FBN2: variants seen among roughly 807,000 people sequenced by gnomAD.
FBN2 encodes the protein fibrillin 2, also known as fibrillin-2.
In FBN2, 105 loss-of-function variants were observed where a neutral mutation model predicts 355.6. The observed-to-expected ratio is 0.30, with a 90% CI of 0.25 to 0.35. The LOEUF (loss-of-function observed/expected upper bound fraction) is 0.35, where lower values mean the gene tolerates loss of function less well. Ranked by LOEUF, FBN2 falls within the 10% of genes least tolerant of loss-of-function variation. FBN2 has a pLI of 1.00. For synonymous variants in FBN2, 1,350 were observed against 1,301.2 expected, an observed-to-expected ratio of 1.04 and a Z score of -0.81; for missense variants, 3,280 against 3,758.7, an observed-to-expected ratio of 0.87 and a Z score of 3.33.
intron 23 of FBN2, among the ~76,000 whole-genome samples, chr5:128,345,917 G>C (rs1055757053): frequency 1.3e-5 from 2 of 152,220 alleles, no homozygotes; most frequent in African/African-American, 4.8e-5. Context: ...TTCCTGTTCA[G>C]AGAATTGCTT....
intron 63 of FBN2, among the ~76,000 whole-genome samples, 171 bp from the exon 64 acceptor site, chr5:128,262,078 G>T (rs1016878824): frequency 5.3e-5 from 8 of 152,236 alleles, no homozygotes; most frequent in African/African-American, 1.7e-4. Context: ...TAGAGACAGG[G>T]TCTTGCTCTG....
chr5:128,503,546 G>T (rs539445654), intron 5 of FBN2, among the ~76,000 whole-genome samples: 1 of 152,168 alleles, frequency 6.6e-6, no homozygotes, highest in Non-Finnish European at 1.5e-5. Context: ...TGAGGAACTT[G>T]TTGGGAACTG....
At chr5:128,311,213 A>G (rs1335461453) in intron 39 of FBN2, 87 bp downstream of exon 39, 2 of 1,417,184 alleles carry the variant, frequency 1.4e-6, no homozygotes, top group East Asian at 2.3e-5. Flanking sequence ...CCTTTTGTAG[A>G]ATGTGAGGAT....
chr5:128,335,343 C>G (rs376592544), intron 29 of FBN2, 48 bp from the exon 30 acceptor site: 3 of 1,613,594 alleles, frequency 1.9e-6, no homozygotes, highest in Non-Finnish European at 2.5e-6. Flanking sequence ...TGTCGTTCAT[C>G]AATCTCAAAT....
chr5:128,312,789 C>T lies in FBN2; in HGVS notation c.4724G>A (p.Arg1575His), dbSNP rs776040052. 34 of 1,613,496 alleles carry T rather than the reference C, an allele frequency of 2.1e-5. No individual in the cohort carries two copies. Among genetic ancestry groups the T allele is most frequent in the Admixed American group, 1.5e-4 (9 of 59,976 alleles). ...AAACTTCAGGTAGCAGTTGCCCACA[C>T]GGTTGTCTGCAGAGCAACAAAGGAG... ...NPTGVGCVDN[R>H]VGNCYLKFGP... Residue 1575 changes from arginine (R) to histidine (H), a missense_variant, in exon 37 of 65, where the codon CGT becomes CAT. Physicochemically the swap from Arg to His is conservative, Grantham distance 29. This residue lies in a region of FBN2 where 2,284 missense variants were observed against 2,749.5 expected (regional missense o/e 0.83). Transcript: ENST00000262464.
intron 7 of FBN2, among the ~76,000 whole-genome samples, chr5:128,432,102 T>C (rs180902742): frequency 1.4e-4 from 22 of 152,314 alleles, no homozygotes; most frequent in South Asian, 1.0e-3. Flanking sequence ...TGAAATACCC[T>C]GAATCATTTA....
Position 128,261,719 on chromosome 5 carries a change from G to C in FBN2, c.8364+17C>G. ...AGGGATAAAATTTTGTGGCAACACA[G>C]AGTGGGATATACTCACAGCAGTGGG... On this transcript the variant is annotated intron_variant, in intron 64 of 64. Transcript: ENST00000262464. 1.2e-6 allele frequency: 2 copies of C among 1,613,502 alleles called. No homozygotes were observed. Among genetic ancestry groups the C allele is most frequent in the Non-Finnish European group, 1.7e-6 (2 of 1,179,430 alleles).
chr5:128,466,546 A>G (rs1318887010), intron 5 of FBN2, among the ~76,000 whole-genome samples: 1 of 152,234 alleles, frequency 6.6e-6, no homozygotes, highest in Non-Finnish European at 1.5e-5. Context: ...GTACAACAAC[A>G]AAAACCTTAA....
chr5:128,345,372 G>T lies in FBN2; in HGVS notation c.3202C>A (p.Arg1068=), dbSNP rs761958762. The T allele has an allele frequency of 6.2e-7, 1 of 1,614,020 alleles. No homozygotes were observed. The highest frequency in any genetic ancestry group is 8.5e-7 in the Non-Finnish European group (1 of 1,179,930). ...FANRGDVLTG[R]PFYKDINECK... The stretch of plus-strand genomic sequence containing the variant: ...AGGCAGTTACCTTTGTAAAATGGCC[G>T]CCCAGTAAGAACATCCCCTCGGTTA... The change falls in exon 24 of 65, where the codon CGG becomes AGG. Residue 1068 remains arginine, a synonymous_variant. Coordinates refer to ENST00000262464, the MANE Select transcript of FBN2 (RefSeq NM_001999.4).
rs372139266 is a variant in FBN2 at position 128,438,674 on chromosome 5, C to G, written c.952+7807G>C. Among the ~76,000 whole-genome samples, 4 of 152,152 alleles carry G rather than the reference C, an allele frequency of 2.6e-5. No individual in the cohort carries two copies. In the South Asian group the frequency reaches 8.3e-4, roughly 32 times the overall value. ...CAATGCCCTGTGACAGAGGCTCTAACAGCTTTGTATACATTGTTCCGGGGA... is the reference window on the plus strand; with the variant it reads ...CAATGCCCTGTGACAGAGGCTCTAAGAGCTTTGTATACATTGTTCCGGGGA... On this transcript the variant is annotated intron_variant, in intron 7 of 64. Transcript: ENST00000262464.
chr5:128,424,086 G>T (rs1753423463), intron 7 of FBN2, among the ~76,000 whole-genome samples: 1 of 152,106 alleles, frequency 6.6e-6, no homozygotes, highest in African/African-American at 2.4e-5. Context: ...TGAAGACTCG[G>T]TCTGTGTATG....
chr5:128,512,016 A>T (rs1756143051), intron 5 of FBN2, among the ~76,000 whole-genome samples: 1 of 152,224 alleles, frequency 6.6e-6, no homozygotes, highest in Admixed American at 6.5e-5. Context: ...CAATAAAAAC[A>T]TGTCAAAACA....
chr5:128,314,975 G>A (rs902774538), intron 36 of FBN2, among the ~76,000 whole-genome samples: 3 of 152,036 alleles, frequency 2.0e-5, no homozygotes, highest in East Asian at 1.9e-4. Context: ...AAAGAATGCC[G>A]TGATGAACAT....
At chr5:128,271,466 G>A (rs983800589) in intron 62 of FBN2, among the ~76,000 whole-genome samples, 6 of 152,186 alleles carry the variant, frequency 3.9e-5, no homozygotes, top group East Asian at 1.9e-4. Context: ...TGAGAGCCAC[G>A]TATTTTATTT....
At position 128,261,862 on chromosome 5, in the gene FBN2, T is replaced by C; in HGVS notation, c.8238A>G (p.Ser2746=). The C allele has an allele frequency of 6.2e-7, 1 of 1,614,118 alleles. No individual in the cohort carries two copies. Among genetic ancestry groups the C allele is most frequent in the South Asian group, 1.1e-5 (1 of 91,084 alleles). ...TTTCCTCATCGACCTCTGTATCCAGTGACAGGTACTGCCCCTTGTTAAATC... is the reference window on the plus strand; with the variant it reads ...TTTCCTCATCGACCTCTGTATCCAGCGACAGGTACTGCCCCTTGTTAAATC... ...GMGFNKGQYL[S]LDTEVDEENA... is the part of the protein sequence containing the mutation. The change falls in exon 64 of 65, where the codon TCA becomes TCG. Residue 2746 remains serine, a synonymous_variant. Coordinates refer to ENST00000262464, the MANE Select transcript of FBN2 (RefSeq NM_001999.4).
chr5:128,311,134 G>C (rs1395576556), intron 39 of FBN2, among the ~76,000 whole-genome samples, 166 bp downstream of exon 39: 1 of 151,198 alleles, frequency 6.6e-6, no homozygotes, highest in Non-Finnish European at 1.5e-5. Flanking sequence ...AAATTAATTT[G>C]TCTATCATCA....
intron 5 of FBN2, among the ~76,000 whole-genome samples, chr5:128,517,004 A>C (rs1210461734): frequency 6.6e-6 from 1 of 152,212 alleles, no homozygotes; most frequent in Non-Finnish European, 1.5e-5. Flanking sequence ...AAGTAATAAG[A>C]CTTTTAAGAA....
At chr5:128,457,905 T>C (rs1260040850) in intron 6 of FBN2, among the ~76,000 whole-genome samples, 2 of 150,986 alleles carry the variant, frequency 1.3e-5, no homozygotes, top group African/African-American at 2.4e-5. Flanking sequence ...CTGCATGAAC[T>C]AGTGTGCAAA....
At chr5:128,263,738 T>A (rs1359656640) in intron 62 of FBN2, 82 bp from the exon 63 acceptor site, 3 of 853,394 alleles carry the variant, frequency 3.5e-6, no homozygotes, top group Non-Finnish European at 1.9e-6. Flanking sequence ...CTCAAGTGCC[T>A]GTGATTTTAT....
Sources: gnomAD v4.1 joint callset for allele counts (sites outside exome capture counted in the v4.1 genomes callset) on GRCh38, gnomAD v4.1.1 for gene constraint, gnomAD v4.1.1 regional missense constraint, MANE v1.5 for transcripts, NCBI Gene and HGNC (gene_info 2026-07-23, HGNC 2026-07-21) for gene names.